The following DGLUCY variants were observed in gnomAD, a reference collection of about 807,000 sequenced individuals.
DGLUCY encodes D-glutamate cyclase, also known as D-glutamate cyclase, mitochondrial.
In DGLUCY, 58 loss-of-function variants were observed where a neutral mutation model predicts 58.5. That is an observed-to-expected ratio of 0.99 (90% CI 0.80 to 1.23). The LOEUF is 1.23. Among genes scored for constraint, DGLUCY ranks in the 50% most tolerant of loss-of-function variants. DGLUCY has a pLI of 0.00. For missense variants in DGLUCY, 779 were observed against 784.7 expected (o/e 0.99, Z 0.09); for synonymous variants, 325 against 314.1 (o/e 1.03, Z -0.37).
chr14:91,091,233 A>C (rs973743428), intron 1 of DGLUCY: 1 of 152,244 alleles, frequency 6.6e-6, no homozygotes, highest in Non-Finnish European at 1.5e-5. Context: ...CTCAAAAAAA[A>C]ATTCCGGCCG....
upstream of DGLUCY, among the ~76,000 whole-genome samples, chr14:91,110,003 C>CTTTTA (rs2044665907): frequency 6.6e-6 from 1 of 152,206 alleles, no homozygotes; most frequent in Non-Finnish European, 1.5e-5. Flanking sequence ...TAAATAGCTA[C>CTTTTA]GATTACTTGG....
At chr14:91,212,495 A>T (rs185814195) in intron 12 of DGLUCY, among the ~76,000 whole-genome samples, 5 of 152,306 alleles carry the variant, frequency 3.3e-5, no homozygotes, top group Non-Finnish European at 7.4e-5. Flanking sequence ...ACAGTGCCAC[A>T]TGTTGTAAAT....
chr14:91,176,747 G>A (rs1231175488), intron 7 of DGLUCY, among the ~76,000 whole-genome samples: 1 of 152,026 alleles, frequency 6.6e-6, no homozygotes, highest in Non-Finnish European at 1.5e-5. Context: ...AATTACAGGT[G>A]CATGCCACCA....
chr14:91,074,104 A>T lies in DGLUCY; in HGVS notation c.-82+13400A>T, dbSNP rs80054079. On this transcript the variant is annotated intron_variant, in intron 1 of 4. Coordinates refer to the DGLUCY transcript ENST00000521334. ...GACCTCATCTCTACCAAAAAAAAAA[A>T]ATATATATATATATACACACACACA... is the stretch of plus-strand genomic sequence containing the variant. Among the ~76,000 whole-genome samples the T allele has an allele frequency of 5.0e-3, 482 of 96,062 alleles. 2 individuals are homozygous for T. Among genetic ancestry groups the T allele is most frequent in the African/African-American group, 9.0e-3 (207 of 23,042 alleles). The allele number at this position is 96,062 out of a possible 152,430, so 63.0% of individuals were successfully genotyped here.
At chr14:91,208,157 T>G (rs950206877) in intron 12 of DGLUCY, among the ~76,000 whole-genome samples, 1 of 152,162 alleles carries the variant, frequency 6.6e-6, no homozygotes, top group Non-Finnish European at 1.5e-5. Context: ...AAATAAAGAC[T>G]ATGAAGCAAA....
At chr14:91,155,143 C>G (rs923833315) in intron 1 of DGLUCY, among the ~76,000 whole-genome samples, 2 of 152,190 alleles carry the variant, frequency 1.3e-5, no homozygotes, top group Non-Finnish European at 2.9e-5. Flanking sequence ...ATTTACTTTT[C>G]TATCTTTTCC....
intron 8 of DGLUCY, among the ~76,000 whole-genome samples, chr14:91,181,769 C>G (rs559785595): frequency 8.6e-4 from 130 of 150,880 alleles, no homozygotes; most frequent in African/African-American, 3.1e-3. Flanking sequence ...GTCTCAGCCT[C>G]CTGAGTAGCT....
intron 13 of DGLUCY, among the ~76,000 whole-genome samples, chr14:91,219,576 G>T: frequency 6.6e-6 from 1 of 152,212 alleles, no homozygotes; most frequent in East Asian, 1.9e-4. Flanking sequence ...TGCATCTGGG[G>T]ACAGGGGTTC....
At chr14:91,090,655 G>GGGT (rs1490929035) in intron 1 of DGLUCY, among the ~76,000 whole-genome samples, 8 of 152,146 alleles carry the variant, frequency 5.3e-5, no homozygotes, top group African/African-American at 1.9e-4. Flanking sequence ...GGTGGCCTTG[G>GGGT]GGTACATGAT....
intron 1 of DGLUCY, among the ~76,000 whole-genome samples, chr14:91,145,591 G>A (rs2046972305): frequency 6.6e-6 from 1 of 152,062 alleles, no homozygotes; most frequent in African/African-American, 2.4e-5. Flanking sequence ...GACACCAATG[G>A]TACCCACAGA....
chr14:91,127,450 CT>C lies in DGLUCY; in HGVS notation c.-82+13168del, dbSNP rs201186465. Among the ~76,000 whole-genome samples the C allele has an allele frequency of 2.6e-3, 390 of 152,398 alleles. 1 individual carries two copies. Among genetic ancestry groups the C allele is most frequent in the East Asian group, 0.017 (90 of 5,192 alleles). On this transcript the variant is annotated intron_variant, in intron 1 of 13. Transcript: ENST00000256324. ...AATCTGGACCTTGTCCTCGCTGCAC[CT>C]GCCCCCTCTACACCCCGTTCTCCCT...
intron 12 of DGLUCY, 103 bp downstream of exon 12, chr14:91,204,928 A>G: frequency 1.3e-6 from 2 of 1,506,656 alleles, no homozygotes; most frequent in South Asian, 1.2e-5. Context: ...CAGTCAGTCC[A>G]TAGGGCACCA....
intron 1 of DGLUCY, among the ~76,000 whole-genome samples, chr14:91,081,213 C>CA (rs1046702357): frequency 6.6e-5 from 8 of 121,892 alleles, no homozygotes; most frequent in African/African-American, 1.4e-4. Context: ...AAAAAAAAAA[C>CA]AAAAAAAAAA....
intron 13 of DGLUCY, among the ~76,000 whole-genome samples, chr14:91,217,393 G>A (rs1886709974): frequency 6.6e-6 from 1 of 152,100 alleles, no homozygotes; most frequent in East Asian, 1.9e-4. Flanking sequence ...AGATTGGGTG[G>A]GTGGTCGCTA....
chr14:91,063,471 C>T (rs2043766696), intron 1 of DGLUCY, among the ~76,000 whole-genome samples: 1 of 152,128 alleles, frequency 6.6e-6, no homozygotes, highest in Admixed American at 6.5e-5. Context: ...GACTCTGAAC[C>T]CCTGAGTTTC....
At chr14:91,188,183 G>T (rs1353856865) in intron 8 of DGLUCY, among the ~76,000 whole-genome samples, 1 of 152,142 alleles carries the variant, frequency 6.6e-6, no homozygotes, top group Non-Finnish European at 1.5e-5. Context: ...GACCCTGCAG[G>T]TCTGCCGTTA....
chr14:91,105,404 A>C (rs2044571620), upstream of DGLUCY, among the ~76,000 whole-genome samples: 2 of 152,216 alleles, frequency 1.3e-5, no homozygotes, highest in Admixed American at 6.5e-5. Flanking sequence ...GATCACATCG[A>C]GACAGGTGTT....
intron 13 of DGLUCY, among the ~76,000 whole-genome samples, chr14:91,216,856 T>C (rs1886604280): frequency 6.6e-6 from 1 of 152,198 alleles, no homozygotes; most frequent in African/African-American, 2.4e-5. Flanking sequence ...CATCAACGTG[T>C]GCCCGTCTAA....
intron 1 of DGLUCY, chr14:91,145,092 C>T (rs76363098): frequency 0.025 from 3,878 of 152,188 alleles, 72 homozygotes; most frequent in South Asian, 0.041. Context: ...AAATGTTCAG[C>T]GTGGGGGGTT....
Sources: allele counts gnomAD v4.1 joint callset (sites outside exome capture counted in the v4.1 genomes callset), GRCh38; gene constraint gnomAD v4.1.1; transcripts MANE v1.5; gene names NCBI Gene and HGNC (gene_info 2026-07-23, HGNC 2026-07-21).